The following ADGRD1 variants were observed in gnomAD, a reference collection of about 807,000 sequenced individuals.
ADGRD1 encodes G-protein coupled receptor 133.
Under a neutral mutation model 113.4 loss-of-function variants are expected in ADGRD1, and 77 were observed. The ratio of observed to expected loss-of-function variants is 0.68; its 90% confidence interval spans 0.57 to 0.82. The LOEUF is 0.82. ADGRD1 is among the 40% of genes least tolerant of loss of function. ADGRD1 has a pLI of 0.00. For synonymous variants in ADGRD1, 474 were observed against 475.0 expected (o/e 1.00, Z 0.03); for missense variants, 1,036 against 1,139.1 (o/e 0.91, Z 1.30).
intron 20 of ADGRD1, among the ~76,000 whole-genome samples, chr12:131,126,678 C>T (rs994058967): frequency 6.6e-6 from 1 of 152,174 alleles, no homozygotes; most frequent in African/African-American, 2.4e-5. Context: ...TTCATAGTAG[C>T]CACGAGACCT....
intron 12 of ADGRD1, among the ~76,000 whole-genome samples, chr12:131,007,090 C>G (rs1877220196): frequency 6.6e-6 from 1 of 152,234 alleles, no homozygotes; most frequent in African/African-American, 2.4e-5. Context: ...TGTGCGGCCA[C>G]AGTGAGAACC....
intron 12 of ADGRD1, among the ~76,000 whole-genome samples, chr12:131,011,257 T>C (rs1248322515): frequency 1.3e-5 from 2 of 150,256 alleles, no homozygotes; most frequent in Non-Finnish European, 3.0e-5. Context: ...TCTGGCCCCA[T>C]TCTCATCTTG....
At chr12:131,133,957 T>G (rs2136104684) in intron 21 of ADGRD1, among the ~76,000 whole-genome samples, 1 of 152,308 alleles carries the variant, frequency 6.6e-6, no homozygotes, top group Non-Finnish European at 1.5e-5. Context: ...CTCCACAGGG[T>G]TGGCTTTCAC....
chr12:131,004,020 A>G (rs1026886672), intron 10 of ADGRD1, among the ~76,000 whole-genome samples, 166 bp from the exon 11 acceptor site: 1 of 125,408 alleles, frequency 8.0e-6, no homozygotes, highest in Non-Finnish European at 1.7e-5. Context: ...TCATTGCTTT[A>G]CCCTTTTTTT....
In ADGRD1 at chr12:131,004,275, C is replaced by G. The variant is rs747173036; in HGVS notation, c.1234C>G (p.His412Asp). ...AHGQSFIQIPHEAFHRHAWST... is the reference protein window; with the variant it reads ...AHGQSFIQIPDEAFHRHAWST... ...CGGGCAGAGCTTCATCCAGATCCCC[C>G]ACGAGGCCTTCCACAGGCACGGTGA... The change falls in exon 11 of 25, where the codon CAC becomes GAC. Residue 412 changes from histidine to aspartate, a missense_variant. Transcript: ENST00000261654. The G allele has an allele frequency of 2.5e-5, 40 of 1,612,934 alleles. No individual in the cohort carries two copies. The highest frequency in any genetic ancestry group is 3.3e-5 in the Non-Finnish European group (39 of 1,179,198).
In ADGRD1 at chr12:131,111,894, G is replaced by A. The variant is rs117699042; in HGVS notation, c.2041+3017G>A. Among the ~76,000 whole-genome samples, 94 of 151,988 alleles carry A rather than the reference G, an allele frequency of 6.2e-4. 3 individuals are homozygous for A. In the East Asian group the frequency reaches 0.015, roughly 25 times the overall value. On this transcript the variant is annotated intron_variant, in intron 18 of 24. Coordinates refer to ENST00000261654, the MANE Select transcript of ADGRD1 (RefSeq NM_198827.5). ...TTCTTTGAACATATTTATAGTGATTGTTTTGAAGTCTCTTTTTTTTTGATA... is the reference window on the plus strand; with the variant it reads ...TTCTTTGAACATATTTATAGTGATTATTTTGAAGTCTCTTTTTTTTTGATA...
chr12:131,081,230 A>G (rs116734503), intron 14 of ADGRD1, among the ~76,000 whole-genome samples: 1 of 152,094 alleles, frequency 6.6e-6, no homozygotes, highest in East Asian at 1.9e-4. Context: ...TCTTTAATCC[A>G]GTCCTAAAAT....
chr12:131,072,423 G>A (rs536145065), intron 13 of ADGRD1, among the ~76,000 whole-genome samples: 8 of 152,326 alleles, frequency 5.3e-5, no homozygotes, highest in East Asian at 1.9e-4. Context: ...ACCCTGGTGC[G>A]TCCCAGGTGG....
intron 18 of ADGRD1, among the ~76,000 whole-genome samples, chr12:131,116,661 C>T (rs1950471775): frequency 6.6e-6 from 1 of 152,218 alleles, no homozygotes. Flanking sequence ...TCGTGCACTT[C>T]CATCCCCCAC....
chr12:131,064,781 C>T (rs906935903), intron 13 of ADGRD1, among the ~76,000 whole-genome samples: 3 of 152,172 alleles, frequency 2.0e-5, no homozygotes, highest in Non-Finnish European at 2.9e-5. Flanking sequence ...TTTCCCCACT[C>T]TCATATGTTG....
intron 13 of ADGRD1, among the ~76,000 whole-genome samples, chr12:131,037,038 A>AC (rs1881531153): frequency 7.6e-6 from 1 of 132,092 alleles, no homozygotes; most frequent in African/African-American, 3.0e-5. Context: ...TACTCACTGC[A>AC]TGGGGCCTCA....
intron 12 of ADGRD1, among the ~76,000 whole-genome samples, chr12:131,012,654 C>T (rs541055471): frequency 7.9e-5 from 12 of 152,300 alleles, no homozygotes; most frequent in Middle Eastern, 3.4e-3. Flanking sequence ...TGAGCCCCAC[C>T]GCCCATCCCA....
Position 131,084,767 on chromosome 12 carries a change from C to A in ADGRD1, c.1671+104C>A. On this transcript the variant is annotated intron_variant, in intron 15 of 24. Transcript: ENST00000261654. This position sits in a 1 kb window ranked among gnomAD's most constrained non-coding sequence, Gnocchi z 4.5. ...CCCGCCAGTGCCCACGGGCCCTGGG[C>A]ACATTACTCCATGGGGCCTGTGTTT... 1 of 1,199,572 alleles carries A rather than the reference C, an allele frequency of 8.3e-7. No homozygotes were observed. The highest frequency in any genetic ancestry group is 1.2e-6 in the Non-Finnish European group (1 of 837,114). The allele number at this position is 1,199,572 out of a possible 1,614,324, so 74.3% of individuals were successfully genotyped here. A position where few individuals can be genotyped will look rare whatever the true frequency, so the allele number is the denominator to read the frequency against.
In ADGRD1 at chr12:131,081,032, C is replaced by T. The variant is rs557555873; in HGVS notation, c.1548-3508C>T. On this transcript the variant is annotated intron_variant, in intron 14 of 24. Coordinates refer to ENST00000261654, the MANE Select transcript of ADGRD1 (RefSeq NM_198827.5). ...TAGCCCTTTTATCATTACATAATGT[C>T]CCTCTTTACCCTGGGAAATATGCGT... Among the ~76,000 whole-genome samples, 35 of 152,234 alleles carry T rather than the reference C, an allele frequency of 2.3e-4. No individual in the cohort carries two copies. In the South Asian group the frequency reaches 4.8e-3, roughly 21 times the overall value.
chr12:131,124,243 G>A (rs1950685819), intron 20 of ADGRD1, among the ~76,000 whole-genome samples: 1 of 152,188 alleles, frequency 6.6e-6, no homozygotes, highest in South Asian at 2.1e-4. Flanking sequence ...AGCAGGTTTT[G>A]GGATAACAAG....
intron 13 of ADGRD1, among the ~76,000 whole-genome samples, chr12:131,061,864 T>G (rs1884356624): frequency 6.6e-6 from 1 of 152,212 alleles, no homozygotes; most frequent in Non-Finnish European, 1.5e-5. Context: ...ATTATGACAG[T>G]GGTCTGTAAA....
intron 20 of ADGRD1, 75 bp downstream of exon 20, chr12:131,120,988 T>A: frequency 7.4e-7 from 1 of 1,359,618 alleles, no homozygotes; most frequent in Non-Finnish European, 1.0e-6. Flanking sequence ...GCTCTGGAGA[T>A]GGCGGGGGGC....
At chr12:130,960,961 A>G (rs1033661918) in intron 2 of ADGRD1, among the ~76,000 whole-genome samples, 10 of 152,362 alleles carry the variant, frequency 6.6e-5, no homozygotes, top group Middle Eastern at 3.4e-3. Context: ...CAGTGGGAAC[A>G]GCAGGCAAAG....
chr12:130,996,067 C>G (rs1458951897), intron 8 of ADGRD1, among the ~76,000 whole-genome samples: 1 of 152,152 alleles, frequency 6.6e-6, no homozygotes, highest in Non-Finnish European at 1.5e-5. Flanking sequence ...GGACACAGCA[C>G]ATGTTTCAGA....
Sources: gnomAD v4.1 joint callset for allele counts (sites outside exome capture counted in the v4.1 genomes callset) on GRCh38, gnomAD v4.1.1 for gene constraint, Gnocchi (gnomAD v3.1) non-coding constraint, MANE v1.5 for transcripts, NCBI Gene and HGNC (gene_info 2026-07-23, HGNC 2026-07-21) for gene names.